Variants in S100A7 observed in about 807,000 individuals in gnomAD.
S100A7 encodes the protein S100 calcium binding protein A7.
A neutral mutation model predicts 3.8 loss-of-function variants in S100A7; 2 were observed. The observed-to-expected ratio is 0.53, with a 90% CI of 0.22 to 1.67. The LOEUF is 1.67. Among genes scored for constraint, S100A7 ranks in the 40% most tolerant of loss-of-function variants. S100A7 has a pLI of 0.20. For synonymous variants in S100A7, 55 were observed against 45.9 expected (o/e 1.20, Z -0.80); for missense variants, 130 against 126.3 (o/e 1.03, Z -0.14).
In S100A7 at chr1:153,457,965, T is replaced by C. The variant is rs377563889; in HGVS notation, c.147A>G (p.Lys49=). 1.4e-5 allele frequency: 22 copies of C among 1,613,858 alleles called. No homozygotes were observed. In the African/African-American group the frequency reaches 2.3e-4, roughly 17 times the overall value. ...NFPNFLSACD[K]KGTNYLADVF... is the part of the protein sequence containing the mutation. The stretch of plus-strand genomic sequence containing the variant: ...CATCGGCGAGGTAATTTGTGCCCTT[T>C]TTGTCCTGTGAAGAGAAAAACATAC... The change falls in exon 3 of 3, where the codon AAA becomes AAG. Residue 49 remains lysine, a synonymous_variant. Coordinates refer to ENST00000368723, the MANE Select transcript of S100A7 (RefSeq NM_002963.4).
intron 1 of S100A7, 93 bp from the exon 2 acceptor site, chr1:153,459,123 A>T: frequency 4.1e-6 from 6 of 1,451,632 alleles, no homozygotes; most frequent in Non-Finnish European, 5.6e-6. Flanking sequence ...ACAGAGTAAA[A>T]ACACGGATAA....
chr1:153,459,001 G>C lies in S100A7; in HGVS notation c.13C>G (p.Gln5Glu), dbSNP rs752369258. The C allele has an allele frequency of 1.7e-5, 27 of 1,612,942 alleles. No individual in the cohort carries two copies. Among genetic ancestry groups the C allele is most frequent in the Non-Finnish European group, 2.3e-5 (27 of 1,179,748 alleles). ...ATGCCTATTATGGACCTCTCAGCTT[G>C]AGTGTTGCTCATCTTTGCTTTCAAA... MSNT[Q>E]AERSIIGMID... is the part of the protein sequence containing the mutation. The change falls in exon 2 of 3, where the codon CAA becomes GAA. Residue 5 changes from glutamine (Q) to glutamate (E), a missense_variant. By Grantham distance (29) the Gln-to-Glu change is conservative (BLOSUM62 2). Transcript: ENST00000368723.
At position 153,457,941 on chromosome 1, in the gene S100A7, A is replaced by G. The variant is rs1133002; in HGVS notation, c.171T>C (p.Asp57=). ...CDKKGTNYLA[D]VFEKKDKNED... ...CATTCTTGTCCTTTTTCTCAAAGAC[A>G]TCGGCGAGGTAATTTGTGCCCTTTT... The change falls in exon 3 of 3, where the codon GAT becomes GAC. Residue 57 remains aspartate (D), a synonymous_variant. Coordinates refer to ENST00000368723, the MANE Select transcript of S100A7 (RefSeq NM_002963.4). The G allele has an allele frequency of 6.2e-7, 1 of 1,614,178 alleles. No individual in the cohort carries two copies. The highest frequency in any genetic ancestry group is 2.2e-5 in the East Asian group (1 of 44,886).
rs1301985684 is a variant in S100A7, at chr1:153,458,862, C to T, written c.141+11G>A. The T allele has an allele frequency of 1.9e-6, 3 of 1,613,502 alleles. No homozygotes were observed. The highest frequency in any genetic ancestry group is 2.7e-5 in the African/African-American group (2 of 74,910). ...TATCCTCCAACATTGAGAAGCTAGA[C>T]ACCGACTCACACAGGCACTAAGGAA... is the stretch of plus-strand genomic sequence containing the variant. On this transcript the variant is annotated intron_variant, in intron 2 of 2. Transcript: ENST00000368723.
chr1:153,457,770 T>C lies in S100A7; in HGVS notation c.*36A>G. 6.3e-7 allele frequency: 1 copy of C among 1,598,676 alleles called. No homozygotes were observed. The highest frequency in any genetic ancestry group is 8.5e-7 in the Non-Finnish European group (1 of 1,172,312). On this transcript the variant is annotated 3_prime_UTR_variant, in exon 3 of 3. Coordinates refer to ENST00000368723, the MANE Select transcript of S100A7 (RefSeq NM_002963.4). ...CTGGTGGGAGAAGACATTTTATTGTTCCTGGGGTCTCTGGAGGCCCATTGG... is the reference window on the plus strand; with the variant it reads ...CTGGTGGGAGAAGACATTTTATTGTCCCTGGGGTCTCTGGAGGCCCATTGG...
chr1:153,459,425 G>A (rs1005490458), intron 1 of S100A7, among the ~76,000 whole-genome samples: 2 of 152,182 alleles, frequency 1.3e-5, no homozygotes, highest in African/African-American at 4.8e-5. Flanking sequence ...TTCACAGTCG[G>A]GGTGACAGTC....
Position 153,459,033 on chromosome 1 carries a change from T to C in S100A7, c.-17-3A>G. The C allele has an allele frequency of 1.9e-6, 3 of 1,610,476 alleles. No homozygotes were observed. The highest frequency in any genetic ancestry group is 8.5e-7 in the Non-Finnish European group (1 of 1,178,238). On this transcript the variant is annotated splice_polypyrimidine_tract_variant and splice_region_variant and intron_variant, in intron 1 of 2. Transcript: ENST00000368723. ...GCTCATCTTTGCTTTCAAAAAGCCT[T>C]CAGGAAATAAAGACAATCATTTTTT...
chr1:153,458,909 C>G lies in S100A7; in HGVS notation c.105G>C (p.Met35Ile), dbSNP rs1313659922. 18 of 1,614,000 alleles carry G rather than the reference C, an allele frequency of 1.1e-5. No individual in the cohort carries two copies. The highest frequency in any genetic ancestry group is 1.5e-5 in the Non-Finnish European group (18 of 1,179,902). Residue 35 changes from methionine (M) to isoleucine (I), a missense_variant, in exon 2 of 3, where the codon ATG becomes ATC. By Grantham distance (10) the Met-to-Ile change is conservative. Transcript: ENST00000368723. ...DKIEKPSLLT[M>I]MKENFPNFLS... ...GGAAGTTGGGGAAGTTCTCCTTCAT[C>G]ATCGTCAGCAGGCTTGGCTTCTCAA...
At chr1:153,458,790 T>C (rs1193740425) in intron 2 of S100A7, 83 bp downstream of exon 2, 38 of 1,510,568 alleles carry the variant, frequency 2.5e-5, no homozygotes, top group Non-Finnish European at 2.8e-5. Context: ...GGGAAATTTT[T>C]TAATCAGAGG....
chr1:153,460,621 C>T lies in S100A7; in HGVS notation c.-31G>A, dbSNP rs994726562. The T allele has an allele frequency of 1.0e-4, 120 of 1,194,194 alleles. No individual in the cohort carries two copies. Among genetic ancestry groups the T allele is most frequent in the Non-Finnish European group, 1.1e-4 (90 of 825,256 alleles). 74.0% of individuals were successfully genotyped at this position (1,194,194 alleles called of 1,614,324 possible). A position where few individuals can be genotyped will look rare whatever the true frequency, so the allele number is the denominator to read the frequency against. ...GGTGAGACTTACCAGAGCTGGGAAG[C>T]GTCACGAGTAGAAGGATGAGTGAGA... On this transcript the variant is annotated 5_prime_UTR_variant, in exon 1 of 3. Coordinates refer to ENST00000368723, the MANE Select transcript of S100A7 (RefSeq NM_002963.4).
At chr1:153,458,658 C>T (rs1174260218) in intron 2 of S100A7, among the ~76,000 whole-genome samples, 2 of 152,154 alleles carry the variant, frequency 1.3e-5, no homozygotes, top group East Asian at 3.8e-4. Flanking sequence ...TCAAGCTGCA[C>T]ACTTTGCTGA....
intron 1 of S100A7, among the ~76,000 whole-genome samples, chr1:153,460,291 G>A (rs936269290): frequency 9.2e-5 from 14 of 152,196 alleles, no homozygotes; most frequent in Non-Finnish European, 1.6e-4. Flanking sequence ...TTTAGCAACC[G>A]GGACCCCAAC....
At position 153,458,932 on chromosome 1, in the gene S100A7, C is replaced by T. The variant is rs1245601836; in HGVS notation, c.82G>A (p.Glu28Lys). 1.9e-6 allele frequency: 3 copies of T among 1,613,908 alleles called. No homozygotes were observed. The highest frequency in any genetic ancestry group is 1.6e-4 in the Middle Eastern group (1 of 6,078). ...ATCATCGTCAGCAGGCTTGGCTTCT[C>T]AATCTTGTCATCACGTCTGGTGTAT... Reference protein sequence around the residue: ...HKYTRRDDKIEKPSLLTMMKE... With the variant: ...HKYTRRDDKIKKPSLLTMMKE... Residue 28 changes from glutamate to lysine, a missense_variant, in exon 2 of 3, where the codon GAG becomes AAG. Glu to Lys is a moderately conservative substitution (Grantham distance 56). Coordinates refer to ENST00000368723, the MANE Select transcript of S100A7 (RefSeq NM_002963.4).
At chr1:153,458,048 G>A in intron 2 of S100A7, 78 bp from the exon 3 acceptor site, 1 of 1,514,810 alleles carries the variant, frequency 6.6e-7, no homozygotes, top group Non-Finnish European at 9.1e-7. Context: ...GGAGGAGGCA[G>A]AGATACAGAC....
At chr1:153,459,622 C>G (rs1663778833) in intron 1 of S100A7, among the ~76,000 whole-genome samples, 1 of 152,172 alleles carries the variant, frequency 6.6e-6, no homozygotes, top group Non-Finnish European at 1.5e-5. Flanking sequence ...GTCCCGAGCA[C>G]AGGGGGCCCT....
At chr1:153,458,667 G>A (rs1366898299) in intron 2 of S100A7, among the ~76,000 whole-genome samples, 1 of 152,118 alleles carries the variant, frequency 6.6e-6, no homozygotes, top group African/African-American at 2.4e-5. Context: ...ACACTTTGCT[G>A]ACCATCTAAT....
intron 2 of S100A7, among the ~76,000 whole-genome samples, chr1:153,458,343 C>T (rs1370826413): frequency 6.6e-6 from 1 of 152,160 alleles, no homozygotes; most frequent in Non-Finnish European, 1.5e-5. Context: ...CTTTTGTTCT[C>T]TTCTTTCTCT....
intron 1 of S100A7, 66 bp from the exon 2 acceptor site, chr1:153,459,096 T>C (rs1369970527): frequency 2.6e-6 from 4 of 1,563,850 alleles, no homozygotes; most frequent in Non-Finnish European, 3.5e-6. Context: ...TTGGGAGTGC[T>C]GGAAGGAGGG....
chr1:153,458,836 G>A, intron 2 of S100A7, 37 bp downstream of exon 2: 1 of 1,610,222 alleles, frequency 6.2e-7, no homozygotes, highest in Non-Finnish European at 8.5e-7. Context: ...ATAGCAAAAT[G>A]TATCCTCCAA....
Sources: gnomAD v4.1 joint callset for allele counts (sites outside exome capture counted in the v4.1 genomes callset) on GRCh38, gnomAD v4.1.1 for gene constraint, MANE v1.5 for transcripts, NCBI Gene and HGNC (gene_info 2026-07-23, HGNC 2026-07-21) for gene names.